The following BDP1 variants were observed in gnomAD, a reference collection of about 807,000 sequenced individuals.
The protein encoded by BDP1 is transcription factor TFIIIB component B'' homolog.
In BDP1, 169 loss-of-function variants were observed where a neutral mutation model predicts 266.6. The observed-to-expected ratio is 0.63, with a 90% CI of 0.56 to 0.72. The LOEUF is 0.72. Ranked by LOEUF, BDP1 falls within the 30% of genes least tolerant of loss-of-function variation. The pLI, the probability that BDP1 is intolerant of heterozygous loss-of-function variation, is 0.00. For synonymous variants in BDP1, 1,090 were observed against 1,022.4 expected, an observed-to-expected ratio of 1.07 and a Z score of -1.26; for missense variants, 3,015 against 3,053.8, an observed-to-expected ratio of 0.99 and a Z score of 0.30.
At chr5:71,525,395 AC>A (rs553807042) in intron 25 of BDP1, among the ~76,000 whole-genome samples, 1 of 93,636 alleles carries the variant, frequency 1.1e-5, no homozygotes. Context: ...CGGGGGGCTG[AC>A]CCCCCCACCT....
intron 16 of BDP1, among the ~76,000 whole-genome samples, chr5:71,506,314 C>T (rs935493636): frequency 6.6e-6 from 1 of 152,106 alleles, no homozygotes; most frequent in African/African-American, 2.4e-5. Flanking sequence ...CCTTTCTAGC[C>T]TTTGAATCTC....
Position 71,540,321 on chromosome 5 carries a change from A to G in BDP1, c.6022+672A>G, listed in dbSNP as rs146461178. The stretch of plus-strand genomic sequence containing the variant: ...GACGGAGTTTGGTTATGAGTAGCCT[A>G]CCATTCATCTTATTTATTTATTTGA... On this transcript the variant is annotated intron_variant, in intron 28 of 38. Transcript: ENST00000358731. Among the ~76,000 whole-genome samples the G allele has an allele frequency of 5.5e-3, 832 of 152,146 alleles. 8 individuals carry two copies. The highest frequency in any genetic ancestry group is 0.019 in the African/African-American group (798 of 41,526).
intron 38 of BDP1, 91 bp downstream of exon 38, chr5:71,562,611 T>C (rs1473883982): frequency 8.6e-6 from 13 of 1,515,402 alleles, no homozygotes; most frequent in African/African-American, 2.8e-5. Context: ...GTTATTTTTA[T>C]TTGATGTCAG....
chr5:71,568,172 G>A (rs1458131296), downstream of BDP1, among the ~76,000 whole-genome samples: 1 of 152,066 alleles, frequency 6.6e-6, no homozygotes, highest in Non-Finnish European at 1.5e-5. Flanking sequence ...TTTTTGACAG[G>A]TGTGCATGTC....
intron 5 of BDP1, among the ~76,000 whole-genome samples, chr5:71,466,538 G>T (rs990030360): frequency 2.0e-5 from 3 of 152,120 alleles, no homozygotes; most frequent in Non-Finnish European, 4.4e-5. Flanking sequence ...TTCTAAGATT[G>T]ACACAGTCTT....
intron 15 of BDP1, among the ~76,000 whole-genome samples, chr5:71,503,064 C>CAAA (rs1190511316): frequency 6.4e-5 from 5 of 78,400 alleles, no homozygotes; most frequent in African/African-American, 1.6e-4. Flanking sequence ...GACTCTGTCT[C>CAAA]AAAAAAAAAA....
At position 71,517,051 on chromosome 5, in the gene BDP1, A is replaced by C. The variant is rs1003008812; in HGVS notation, c.4861-271A>C. 2.0e-5 allele frequency among the ~76,000 whole-genome samples: 3 copies of C among 152,200 alleles called. 1 individual carries two copies. The highest frequency in any genetic ancestry group is 7.2e-5 in the African/African-American group (3 of 41,450). ...TGGCAACAGAATGTGAACATTACAT[A>C]TCCAGTTTGAATCTAATTTTAAAGA... On this transcript the variant is annotated intron_variant, in intron 21 of 38. Coordinates refer to ENST00000358731, the MANE Select transcript of BDP1 (RefSeq NM_018429.3).
chr5:71,492,817 C>T (rs1307447057), intron 11 of BDP1, among the ~76,000 whole-genome samples: 7 of 152,190 alleles, frequency 4.6e-5, no homozygotes, highest in Non-Finnish European at 1.0e-4. Context: ...CAAAAACAAA[C>T]TTAAAGCTGT....
intron 15 of BDP1, among the ~76,000 whole-genome samples, 167 bp downstream of exon 15, chr5:71,502,958 G>C (rs575501290): frequency 1.4e-5 from 2 of 141,894 alleles, no homozygotes; most frequent in Admixed American, 1.4e-4. Context: ...TCGCGATCTT[G>C]CCTCACTGCA....
In BDP1 at chr5:71,560,255, T is replaced by TGAACAAAAAAC. The variant is rs769743486; in HGVS notation, c.7496+18_7496+19insGAACAAAAAAC. The TGAACAAAAAAC allele has an allele frequency of 1.2e-6, 2 of 1,610,198 alleles. No individual in the cohort carries two copies. Among genetic ancestry groups the TGAACAAAAAAC allele is most frequent in the Non-Finnish European group, 1.7e-6 (2 of 1,178,124 alleles). On this transcript the variant is annotated intron_variant, in intron 37 of 38. Coordinates refer to ENST00000358731, the MANE Select transcript of BDP1 (RefSeq NM_018429.3). ...CTATCCAGGTATCATGAACAAATCTTTAATAAGTGTTTTGCTCTCTGTCTT... is the reference window on the plus strand; with the variant it reads ...CTATCCAGGTATCATGAACAAATCTTGAACAAAAAACTAATAAGTGTTTTGCTCTCTGTCTT...
intron 35 of BDP1, among the ~76,000 whole-genome samples, chr5:71,555,352 C>G (rs918654476): frequency 6.6e-6 from 1 of 151,910 alleles, no homozygotes; most frequent in East Asian, 1.9e-4. Context: ...GGATATATTC[C>G]TAAAACTTCC....
intron 14 of BDP1, 50 bp downstream of exon 14, chr5:71,501,703 A>G: frequency 9.9e-7 from 1 of 1,010,374 alleles, no homozygotes; most frequent in Non-Finnish European, 1.5e-6. Flanking sequence ...AGTAACTCTT[A>G]GGAATGATGG....
intron 7 of BDP1, among the ~76,000 whole-genome samples, chr5:71,477,532 C>T (rs1762664616): frequency 6.6e-6 from 1 of 151,956 alleles, no homozygotes; most frequent in Non-Finnish European, 1.5e-5. Context: ...CTGGTGTTTA[C>T]AACTAAATGA....
At chr5:71,559,213 C>T (rs1036734774) in intron 36 of BDP1, among the ~76,000 whole-genome samples, 4 of 152,144 alleles carry the variant, frequency 2.6e-5, no homozygotes, top group African/African-American at 4.8e-5. Context: ...TTAATTGTCC[C>T]AACTTTGACT....
chr5:71,508,492 A>G (rs1173307165), intron 16 of BDP1, among the ~76,000 whole-genome samples: 1 of 144,934 alleles, frequency 6.9e-6, no homozygotes, highest in East Asian at 2.0e-4. Context: ...TTTTGTAGAG[A>G]TGGGATTTCT....
chr5:71,513,404 A>C lies in BDP1; in HGVS notation c.4467A>C (p.Gln1489His), dbSNP rs556503173. ...NNEQTDTLPSQHDEASLMISR... is the reference protein window; with the variant it reads ...NNEQTDTLPSHHDEASLMISR... ...AACAAACTGATACTCTCCCTTCTCA[A>C]CATGTGAGTGTATTTGAGATGGAAG... The change falls in exon 19 of 39, where the codon CAA becomes CAC. Residue 1489 changes from glutamine to histidine, a missense_variant. This residue lies in a region of BDP1 where 2,383 missense variants were observed against 2,404.9 expected (regional missense o/e 0.99). Transcript: ENST00000358731. 1 of 1,558,800 alleles carries C rather than the reference A, an allele frequency of 6.4e-7. No homozygotes were observed. The highest frequency in any genetic ancestry group is 1.2e-5 in the South Asian group (1 of 82,572).
chr5:71,482,380 A>G (rs1048647199), intron 7 of BDP1, among the ~76,000 whole-genome samples: 3 of 152,098 alleles, frequency 2.0e-5, no homozygotes, highest in Non-Finnish European at 4.4e-5. Flanking sequence ...TCTCTCCGTG[A>G]TTGTAGTCTT....
chr5:71,537,704 T>C, intron 26 of BDP1: 1 of 167,914 alleles, frequency 6.0e-6, no homozygotes. Flanking sequence ...TTTTTTTGTC[T>C]GGAGATTTAT....
intron 7 of BDP1, among the ~76,000 whole-genome samples, chr5:71,481,395 A>AG (rs1762957782): frequency 2.7e-5 from 4 of 145,614 alleles, no homozygotes; most frequent in Non-Finnish European, 6.0e-5. Flanking sequence ...TACAAAGAAA[A>AG]AAAAAAAAAA....
Sources: gnomAD v4.1 joint callset for allele counts (sites outside exome capture counted in the v4.1 genomes callset) on GRCh38, gnomAD v4.1.1 for gene constraint, gnomAD v4.1.1 regional missense constraint, MANE v1.5 for transcripts, NCBI Gene and HGNC (gene_info 2026-07-23, HGNC 2026-07-21) for gene names.